The following MIER1 variants were observed in gnomAD, a reference collection of about 807,000 sequenced individuals.
The protein encoded by MIER1 is mesoderm induction early response protein 1.
MIER1 carries 40 observed loss-of-function variants against 75.7 expected under a neutral mutation model. The ratio of observed to expected loss-of-function variants is 0.53; its 90% CI spans 0.41 to 0.69. MIER1 has a LOEUF of 0.69. Ranked by LOEUF, MIER1 falls within the 30% of genes least tolerant of loss-of-function variation. MIER1 has a pLI of 0.00. For missense variants in MIER1, 574 were observed against 680.2 expected (o/e 0.84, Z 1.74); for synonymous variants, 213 against 223.4 (o/e 0.95, Z 0.42).
At chr1:66,946,662 A>G in intron 4 of MIER1, 6 of 993,550 alleles carry the variant, frequency 6.0e-6, no homozygotes, top group Non-Finnish European at 7.2e-6. Flanking sequence ...AAAATTCTTG[A>G]AGTATCATTT....
chr1:66,953,092 C>T (rs1350610114), intron 4 of MIER1, among the ~76,000 whole-genome samples: 1 of 152,130 alleles, frequency 6.6e-6, no homozygotes, highest in Non-Finnish European at 1.5e-5. Flanking sequence ...GGTCATGTGT[C>T]CACTCCAAAT....
At chr1:66,978,198 A>G (rs1665136777) in intron 12 of MIER1, among the ~76,000 whole-genome samples, 2 of 140,104 alleles carry the variant, frequency 1.4e-5, no homozygotes, top group Admixed American at 1.4e-4. Flanking sequence ...TCCATCTCCA[A>G]AAAAAAAAAA....
At chr1:66,930,429 C>T (rs751787542) in intron 2 of MIER1, 1 of 1,603,882 alleles carries the variant, frequency 6.2e-7, no homozygotes, top group Middle Eastern at 1.9e-4. Flanking sequence ...CCTCCCTGTC[C>T]CGGAGCCGGG....
At chr1:66,950,209 A>G (rs914421377) in intron 4 of MIER1, among the ~76,000 whole-genome samples, 1 of 152,102 alleles carries the variant, frequency 6.6e-6, no homozygotes, top group Non-Finnish European at 1.5e-5. Context: ...CCTGGGTTCA[A>G]GCAATTCGCC....
intron 4 of MIER1, among the ~76,000 whole-genome samples, chr1:66,957,610 T>G (rs1307311459): frequency 3.3e-5 from 3 of 90,386 alleles, no homozygotes; most frequent in African/African-American, 1.4e-4. Flanking sequence ...TTTTTTTTCA[T>G]GTGTTCGGGC....
At chr1:66,943,221 A>G (rs561549845) in intron 3 of MIER1, among the ~76,000 whole-genome samples, 1 of 152,270 alleles carries the variant, frequency 6.6e-6, no homozygotes, top group South Asian at 2.1e-4. Context: ...AGAAGAGAAA[A>G]GGATTGGGAC....
intron 3 of MIER1, among the ~76,000 whole-genome samples, chr1:66,942,106 C>T (rs1656385000): frequency 6.6e-6 from 1 of 152,066 alleles, no homozygotes; most frequent in Admixed American, 6.6e-5. Context: ...TCATTTGAGG[C>T]TTCTGCCCAG....
chr1:66,971,753 T>G lies in MIER1; in HGVS notation c.1006+17T>G, dbSNP rs368127978. On this transcript the variant is annotated intron_variant, in intron 10 of 13. Transcript: ENST00000401041. ...CAGCTAGAGGTAAGTATAGTTTTTA[T>G]TCATTTTCATGATTTGGCAGAAATT... 2 of 1,308,784 alleles carry G rather than the reference T, an allele frequency of 1.5e-6. No individual in the cohort carries two copies. Among genetic ancestry groups the G allele is most frequent in the Non-Finnish European group, 2.1e-6 (2 of 934,134 alleles). The allele number at this position is 1,308,784 out of a possible 1,614,324, so 81.1% of individuals were successfully genotyped here.
intron 2 of MIER1, among the ~76,000 whole-genome samples, chr1:66,935,995 T>A (rs1307427806): frequency 6.6e-6 from 1 of 152,102 alleles, no homozygotes; most frequent in Non-Finnish European, 1.5e-5. Context: ...AGTGAATGTT[T>A]TATATATATA....
chr1:66,953,150 C>G (rs753395125), intron 4 of MIER1, among the ~76,000 whole-genome samples: 3 of 152,076 alleles, frequency 2.0e-5, no homozygotes, highest in Non-Finnish European at 4.4e-5. Flanking sequence ...CTACTATGGT[C>G]AAGGAGGTGA....
intron 4 of MIER1, among the ~76,000 whole-genome samples, chr1:66,957,587 G>GT (rs770503779): frequency 0.12 from 11,798 of 99,266 alleles, 806 homozygotes; most frequent in East Asian, 0.21. Flanking sequence ...GTTTGTTTGT[G>GT]TTTTTTTTTT....
At chr1:66,962,468 C>T (rs556207169) in intron 7 of MIER1, among the ~76,000 whole-genome samples, 1 of 152,254 alleles carries the variant, frequency 6.6e-6, no homozygotes. Context: ...ATGACTGAGT[C>T]CTGTCCCCAG....
intron 12 of MIER1, among the ~76,000 whole-genome samples, chr1:66,977,587 C>G (rs1270210682): frequency 2.6e-5 from 4 of 152,108 alleles, no homozygotes; most frequent in Non-Finnish European, 1.5e-5. Flanking sequence ...TCTGATATGC[C>G]TAATTTATTC....
At chr1:66,960,844 C>T (rs565017375) in intron 7 of MIER1, among the ~76,000 whole-genome samples, 1 of 152,220 alleles carries the variant, frequency 6.6e-6, no homozygotes, top group African/African-American at 2.4e-5. Flanking sequence ...TAATCTGATT[C>T]CTACAGTGTG....
At chr1:66,970,216 G>A (rs981445540) in intron 8 of MIER1, among the ~76,000 whole-genome samples, 4 of 152,100 alleles carry the variant, frequency 2.6e-5, no homozygotes, top group Admixed American at 2.6e-4. Flanking sequence ...CTTTAAAAAA[G>A]TAATGACTTG....
At chr1:66,961,043 C>G (rs1233327741) in intron 7 of MIER1, among the ~76,000 whole-genome samples, 1 of 151,938 alleles carries the variant, frequency 6.6e-6, no homozygotes, top group South Asian at 2.1e-4. Context: ...TAGAACACCT[C>G]TCATTGCTGG....
chr1:66,986,542 A>G lies in MIER1; in HGVS notation c.*1642A>G, dbSNP rs962653065. 7 of 1,201,938 alleles carry G rather than the reference A, an allele frequency of 5.8e-6. No individual in the cohort carries two copies. The highest frequency in any genetic ancestry group is 8.7e-6 in the Non-Finnish European group (7 of 807,906). The allele number at this position is 1,201,938 out of a possible 1,614,324, so 74.5% of individuals were successfully genotyped here. A position where few individuals can be genotyped will look rare whatever the true frequency, so the allele number is the denominator to read the frequency against. On this transcript the variant is annotated 3_prime_UTR_variant, in exon 14 of 14. Coordinates refer to ENST00000401041, the MANE Select transcript of MIER1 (RefSeq NM_001077700.3). The stretch of plus-strand genomic sequence containing the variant: ...ATTGAGTGAAGGTTTGCACTGAGAA[A>G]TTAGCATTCAGGCCTTACCCCCATG...
intron 4 of MIER1, chr1:66,946,501 C>G (rs1408854946): frequency 7.9e-7 from 1 of 1,263,958 alleles, no homozygotes; most frequent in Non-Finnish European, 9.9e-7. Flanking sequence ...TAACAGAATT[C>G]ACATAGTTAC....
At chr1:66,981,415 CTA>C (rs981212309) in intron 12 of MIER1, among the ~76,000 whole-genome samples, 1 of 152,132 alleles carries the variant, frequency 6.6e-6, no homozygotes, top group Non-Finnish European at 1.5e-5. Flanking sequence ...AAAATTCAAT[CTA>C]TGTTTGTACA....
Sources: gnomAD v4.1 joint callset for allele counts (sites outside exome capture counted in the v4.1 genomes callset) on GRCh38, gnomAD v4.1.1 for gene constraint, MANE v1.5 for transcripts, NCBI Gene and HGNC (gene_info 2026-07-23, HGNC 2026-07-21) for gene names.